Variants in KMT2C observed in about 807,000 individuals in gnomAD.
The protein encoded by KMT2C is histone-lysine N-methyltransferase 2C.
KMT2C carries 88 observed loss-of-function variants against 507.9 expected under a neutral mutation model. That is an observed-to-expected ratio of 0.17 (90% CI 0.15 to 0.21). The LOEUF (loss-of-function observed/expected upper bound fraction) is 0.21, where lower values mean the gene tolerates loss of function less well. Among genes scored for constraint, KMT2C ranks in the 10% least tolerant of loss-of-function variants. KMT2C has a pLI of 1.00. For synonymous variants in KMT2C, 2,049 were observed against 2,080.8 expected (o/e 0.98, Z 0.42); for missense variants, 4,954 against 5,957.8 (o/e 0.83, Z 5.55).
chr7:152,215,850 G>C (rs1458034369), intron 23 of KMT2C, among the ~76,000 whole-genome samples: 1 of 151,908 alleles, frequency 6.6e-6, no homozygotes, highest in Non-Finnish European at 1.5e-5. Context: ...GAAAGGGAGA[G>C]ACTTCACTGT....
chr7:152,176,799 T>G lies in KMT2C; in HGVS notation c.8654A>C (p.Glu2885Ala). The G allele has an allele frequency of 1.9e-6, 3 of 1,614,236 alleles. No individual in the cohort carries two copies. The African/African-American group carries it at 4.0e-5, about 22-fold the overall frequency. ...GACATTTGCACTGGGGCCAGCAGTT[T>G]CTCGATTGGTTCTTTTCTCAAATAG... Reference protein sequence around the residue: ...PDLFEKRTNRETAGPSANVIQ... With the variant: ...PDLFEKRTNRATAGPSANVIQ... Residue 2885 changes from glutamate to alanine, a missense_variant, in exon 38 of 59, where the codon GAA (glutamate) becomes GCA (alanine). By Grantham distance (107) the Glu-to-Ala change is moderately radical. Transcript: ENST00000262189.
chr7:152,262,204 C>A (rs2095792935), intron 9 of KMT2C, among the ~76,000 whole-genome samples: 1 of 152,182 alleles, frequency 6.6e-6, no homozygotes, highest in Non-Finnish European at 1.5e-5. Context: ...AGGCCCTCCA[C>A]CTCCTCACTA....
chr7:152,138,503 T>A lies in KMT2C; in HGVS notation c.14643+293A>T. ...TCCAGGTTAAGGGGATAAAGAAGGA[T>A]CCTATGGCACACAGAAATGATACCA... is the stretch of plus-strand genomic sequence containing the variant. On this transcript the variant is annotated intron_variant, in intron 58 of 58. Transcript: ENST00000262189. The surrounding 1 kb of genome is among the most constrained non-coding windows in gnomAD (Gnocchi z 4.2). 1 of 278,622 alleles carries A rather than the reference T, an allele frequency of 3.6e-6. No homozygotes were observed. The highest frequency in any genetic ancestry group is 6.8e-6 in the Non-Finnish European group (1 of 147,040). The allele number at this position is 278,622 out of a possible 1,614,324, so 17.3% of individuals were successfully genotyped here.
chr7:152,355,809 G>A (rs1251736129), intron 2 of KMT2C, among the ~76,000 whole-genome samples: 9 of 152,080 alleles, frequency 5.9e-5, no homozygotes, highest in East Asian at 3.9e-4. Flanking sequence ...AGTAATCATA[G>A]GTATAAATAA....
chr7:152,330,848 TAAC>T (rs1333595542), intron 2 of KMT2C, 109 bp from the exon 3 acceptor site: 19 of 1,033,748 alleles, frequency 1.8e-5, no homozygotes, highest in Middle Eastern at 2.6e-4. Context: ...AAACAACAAA[TAAC>T]AATATTTCAC....
At chr7:152,283,168 A>C (rs2096247890) in intron 6 of KMT2C, among the ~76,000 whole-genome samples, 1 of 152,214 alleles carries the variant, frequency 6.6e-6, no homozygotes, top group African/African-American at 2.4e-5. Context: ...ATCCACCCCC[A>C]TTTTTTTGGT....
intron 2 of KMT2C, among the ~76,000 whole-genome samples, chr7:152,340,220 T>A (rs1259607856): frequency 6.6e-6 from 1 of 150,424 alleles, no homozygotes; most frequent in East Asian, 1.9e-4. Flanking sequence ...ACTCCTGGGC[T>A]CCAGTTATCC....
At position 152,182,837 on chromosome 7, in the gene KMT2C, ACT is replaced by A. The variant is rs2093478369; in HGVS notation, c.5265+135_5265+136del. The A allele has an allele frequency of 4.4e-6, 3 of 675,712 alleles. No homozygotes were observed. The South Asian group carries it at 7.6e-5, about 17-fold the overall frequency. 41.9% of individuals were successfully genotyped at this position (675,712 alleles called of 1,614,324 possible). ...TCTCAAATCAATTTAAATATATTTT[ACT>A]GAAAAGAGAAACAAGTCTATCCTAA... On this transcript the variant is annotated intron_variant, in intron 35 of 58. Coordinates refer to ENST00000262189, the MANE Select transcript of KMT2C (RefSeq NM_170606.3).
intron 18 of KMT2C, 145 bp downstream of exon 18, chr7:152,229,778 T>TA (rs1338768621): frequency 2.8e-6 from 1 of 361,862 alleles, no homozygotes; most frequent in Admixed American, 4.6e-5. Context: ...AGGAAACCCT[T>TA]AAAAGCAGTA....
At chr7:152,147,661 C>G (rs1043727041) in intron 52 of KMT2C, among the ~76,000 whole-genome samples, 1 of 144,608 alleles carries the variant, frequency 6.9e-6, no homozygotes, top group Non-Finnish European at 1.5e-5. Flanking sequence ...GAACTGAGAT[C>G]GCGCCATTGC....
intron 6 of KMT2C, among the ~76,000 whole-genome samples, chr7:152,284,378 C>G (rs865840843): frequency 6.6e-6 from 1 of 152,076 alleles, no homozygotes; most frequent in Non-Finnish European, 1.5e-5. Context: ...TAGAATGATG[C>G]TGGAACTGCT....
At chr7:152,309,204 A>T (rs2096647575) in intron 6 of KMT2C, among the ~76,000 whole-genome samples, 1 of 152,186 alleles carries the variant, frequency 6.6e-6, no homozygotes, top group African/African-American at 2.4e-5. Flanking sequence ...GCATAGTGCA[A>T]AATTTTCATT....
In KMT2C at chr7:152,163,601, G is replaced by T. The variant is rs757102196; in HGVS notation, c.9976C>A (p.Pro3326Thr). The part of the protein sequence containing the change: ...HTTVISGHTS[P>T]VRMPSLPGWQ... ...CCAGGTAAACTGGGCATTCTAACAG[G>T]GCTAGTATGGCCAGAAATAACTGTT... The change falls in exon 43 of 59, where the codon CCT (proline) becomes ACT (threonine). Residue 3326 changes from proline to threonine, a missense_variant. Physicochemically the swap from Pro to Thr is conservative, Grantham distance 38. Around this residue, in one of 29 missense-constraint regions of KMT2C, gnomAD observed 801 missense variants for 751.2 expected, o/e 1.07. Coordinates refer to ENST00000262189, the MANE Select transcript of KMT2C (RefSeq NM_170606.3). The T allele has an allele frequency of 2.5e-6, 4 of 1,606,308 alleles. No homozygotes were observed. The highest frequency in any genetic ancestry group is 3.4e-6 in the Non-Finnish European group (4 of 1,175,496).
chr7:152,232,495 G>A (rs990270304), intron 16 of KMT2C, among the ~76,000 whole-genome samples: 6 of 152,074 alleles, frequency 3.9e-5, no homozygotes, highest in Non-Finnish European at 8.8e-5. Flanking sequence ...ATATATAATA[G>A]GTTGAATCAT....
rs10480303 is a variant in KMT2C, at chr7:152,355,719, T to C, written c.250+2868A>G. Among the ~76,000 whole-genome samples the C allele has an allele frequency of 9.5e-3, 1,439 of 152,242 alleles. 29 individuals are homozygous for C. Among genetic ancestry groups the C allele is most frequent in the African/African-American group, 0.033 (1,384 of 41,526 alleles). On this transcript the variant is annotated intron_variant, in intron 2 of 58. Coordinates refer to ENST00000262189, the MANE Select transcript of KMT2C (RefSeq NM_170606.3). ...GTCTGGGCAATATGAGATCATTACA[T>C]TGACAAGAATAATTTTAGTAGAATG... is the stretch of plus-strand genomic sequence containing the variant.
At chr7:152,315,995 CAT>C (rs1307640867) in intron 3 of KMT2C, among the ~76,000 whole-genome samples, 2 of 152,138 alleles carry the variant, frequency 1.3e-5, no homozygotes, top group African/African-American at 2.4e-5. Context: ...TTCTGTAAAA[CAT>C]ATGGTGACAG....
chr7:152,379,942 GC>G (rs2097357988), intron 1 of KMT2C, among the ~76,000 whole-genome samples: 1 of 152,376 alleles, frequency 6.6e-6, no homozygotes, highest in African/African-American at 2.4e-5. Flanking sequence ...ACAAAAACTA[GC>G]CGGGAATGGC....
intron 1 of KMT2C, among the ~76,000 whole-genome samples, chr7:152,422,363 G>A (rs1006161822): frequency 2.6e-5 from 4 of 151,686 alleles, no homozygotes; most frequent in East Asian, 1.9e-4. Flanking sequence ...GCTGAGGCAC[G>A]AGAATCGCTT....
At chr7:152,173,701 T>G (rs1191424704) in intron 39 of KMT2C, among the ~76,000 whole-genome samples, 1 of 152,210 alleles carries the variant, frequency 6.6e-6, no homozygotes, top group Non-Finnish European at 1.5e-5. Context: ...CCTTGTAACT[T>G]TCTTTTTCTG....
Sources: gnomAD v4.1 joint callset for allele counts (sites outside exome capture counted in the v4.1 genomes callset) on GRCh38, gnomAD v4.1.1 for gene constraint, gnomAD v4.1.1 regional missense constraint, Gnocchi (gnomAD v3.1) non-coding constraint, MANE v1.5 for transcripts, NCBI Gene and HGNC (gene_info 2026-07-23, HGNC 2026-07-21) for gene names.